PLPPR1: variants seen among roughly 807,000 people sequenced by gnomAD.
PLPPR1 encodes phospholipid phosphatase-related protein type 1.
In PLPPR1, 10 loss-of-function variants were observed where a neutral mutation model predicts 33.1. The observed-to-expected ratio is 0.30, with a 90% CI of 0.19 to 0.51. The LOEUF is 0.51. Ranked by LOEUF, PLPPR1 falls within the 20% of genes least tolerant of loss-of-function variation. The pLI, the probability that PLPPR1 is intolerant of heterozygous loss-of-function variation, is 0.97. For missense variants in PLPPR1, 304 were observed against 408.1 expected (o/e 0.74, Z 2.20); for synonymous variants, 151 against 151.0 (o/e 1.00, Z 0.00).
At chr9:101,243,263 G>A (rs1048779729) in intron 2 of PLPPR1, among the ~76,000 whole-genome samples, 3 of 151,890 alleles carry the variant, frequency 2.0e-5, no homozygotes, top group Admixed American at 1.3e-4. Context: ...TTATCCTCTA[G>A]AAAAAGGACA....
chr9:101,106,126 T>C (rs1479544445), intron 1 of PLPPR1, among the ~76,000 whole-genome samples: 4 of 151,424 alleles, frequency 2.6e-5, no homozygotes, highest in African/African-American at 7.4e-5. Flanking sequence ...TGTCTTTTAA[T>C]TGCAGAATTT....
Position 101,108,003 on chromosome 9 carries a change from C to T in PLPPR1, c.-45-77447C>T, listed in dbSNP as rs547574152. 1.6e-4 allele frequency among the ~76,000 whole-genome samples: 24 copies of T among 149,304 alleles called. No homozygotes were observed. In the South Asian group the frequency reaches 3.2e-3, roughly 20 times the overall value. On this transcript the variant is annotated intron_variant, in intron 1 of 7. Transcript: ENST00000374874. The stretch of plus-strand genomic sequence containing the variant: ...GGTGAGGCAATGCCTCGCCCTGCTT[C>T]GGCTCGCGCACGGTGCGCGCACACA...
intron 1 of PLPPR1, among the ~76,000 whole-genome samples, chr9:101,160,287 C>T (rs1216638134): frequency 6.6e-6 from 1 of 152,144 alleles, no homozygotes; most frequent in Non-Finnish European, 1.5e-5. Context: ...TAGCCTTTCT[C>T]CTCCTTACTT....
chr9:101,056,535 T>C (rs1283276480), intron 1 of PLPPR1, among the ~76,000 whole-genome samples: 1 of 152,182 alleles, frequency 6.6e-6, no homozygotes, highest in East Asian at 1.9e-4. Context: ...TCTGTAGCAA[T>C]ACCTTGTGGC....
chr9:101,267,114 C>T lies in PLPPR1; in HGVS notation c.64-2766C>T, dbSNP rs143703476. Among the ~76,000 whole-genome samples, 313 of 152,226 alleles carry T rather than the reference C, an allele frequency of 2.1e-3. 1 individual carries two copies. The highest frequency in any genetic ancestry group is 0.01 in the Middle Eastern group (3 of 292). On this transcript the variant is annotated intron_variant, in intron 2 of 7. Coordinates refer to ENST00000374874, the MANE Select transcript of PLPPR1 (RefSeq NM_207299.2). Reference sequence around the variant, plus strand: ...GATCAGCCCTTTGCAGGGGGACAGACGGAACTCCAGAGACAGAGCCTTAAA... The same window carrying T: ...GATCAGCCCTTTGCAGGGGGACAGATGGAACTCCAGAGACAGAGCCTTAAA...
chr9:101,247,216 G>A (rs1297188714), intron 2 of PLPPR1, among the ~76,000 whole-genome samples: 34 of 151,950 alleles, frequency 2.2e-4, no homozygotes, highest in Non-Finnish European at 1.2e-4. Flanking sequence ...TGGAAGGAGG[G>A]ACGCCCAACA....
At chr9:101,244,953 T>C (rs929857825) in intron 2 of PLPPR1, among the ~76,000 whole-genome samples, 4 of 151,958 alleles carry the variant, frequency 2.6e-5, no homozygotes, top group Non-Finnish European at 5.9e-5. Flanking sequence ...ACCTTATTAG[T>C]CATTAGAGAA....
chr9:101,201,206 A>T (rs1320987226), intron 2 of PLPPR1, among the ~76,000 whole-genome samples: 1 of 152,184 alleles, frequency 6.6e-6, no homozygotes, highest in African/African-American at 2.4e-5. Context: ...TATTTATGAG[A>T]GAGGAGCCCT....
chr9:101,314,205 A>G (rs1044019173), intron 6 of PLPPR1, among the ~76,000 whole-genome samples: 2 of 152,148 alleles, frequency 1.3e-5, no homozygotes, highest in African/African-American at 4.8e-5. Flanking sequence ...CCCTCCTCCT[A>G]TTCTGCCCTC....
intron 1 of PLPPR1, among the ~76,000 whole-genome samples, chr9:101,133,661 T>A (rs566744939): frequency 9.2e-5 from 14 of 152,192 alleles, no homozygotes; most frequent in Non-Finnish European, 1.9e-4. Context: ...TAACACTGTA[T>A]CATTGTTGTT....
intron 4 of PLPPR1, among the ~76,000 whole-genome samples, chr9:101,304,884 G>T (rs753651487): frequency 1.3e-5 from 2 of 152,140 alleles, no homozygotes; most frequent in African/African-American, 4.8e-5. Context: ...ACGCTCTCCA[G>T]AACACGTGGA....
Position 101,141,187 on chromosome 9 carries a change from T to C in PLPPR1, c.-45-44263T>C, listed in dbSNP as rs117231415. Among the ~76,000 whole-genome samples the C allele has an allele frequency of 6.5e-3, 989 of 152,314 alleles. 15 individuals carry two copies. Among genetic ancestry groups the C allele is most frequent in the East Asian group, 0.043 (223 of 5,184 alleles). ...ACATTGTGAAGAGAGATCAGTCTCC[T>C]AGGAGAATCTATGGAAATCTCCTCT... On this transcript the variant is annotated intron_variant, in intron 1 of 7. Transcript: ENST00000374874.
chr9:101,286,126 T>A lies in PLPPR1; in HGVS notation c.275T>A (p.Met92Lys). 6.2e-7 allele frequency: 1 copy of A among 1,612,700 alleles called. No individual in the cohort carries two copies. The highest frequency in any genetic ancestry group is 8.5e-7 in the Non-Finnish European group (1 of 1,178,820). ...TAIIFIGEISMYFIKSTRESL... is the reference protein window; with the variant it reads ...TAIIFIGEISKYFIKSTRESL... ...TAGATTTTTATTGGTGAGATATCCA[T>A]GTATTTCATAAAATCAACAAGAGAA... The change falls in exon 4 of 8, where the codon ATG (methionine) becomes AAG (lysine). Residue 92 changes from methionine (M) to lysine (K), a missense_variant. Coordinates refer to ENST00000374874, the MANE Select transcript of PLPPR1 (RefSeq NM_207299.2).
chr9:101,090,027 T>A (rs997490355), intron 1 of PLPPR1, among the ~76,000 whole-genome samples: 8 of 152,076 alleles, frequency 5.3e-5, no homozygotes, highest in African/African-American at 1.9e-4. Context: ...AGGGGAAGGA[T>A]CATCTCTTGC....
At chr9:101,177,900 TATA>T (rs1412057217) in intron 1 of PLPPR1, among the ~76,000 whole-genome samples, 1 of 152,184 alleles carries the variant, frequency 6.6e-6, no homozygotes, top group African/African-American at 2.4e-5. Context: ...TCTGGATTGG[TATA>T]ATAATAGTAA....
intron 4 of PLPPR1, among the ~76,000 whole-genome samples, chr9:101,304,438 A>T (rs995425907): frequency 6.6e-6 from 1 of 152,212 alleles, no homozygotes; most frequent in Non-Finnish European, 1.5e-5. Flanking sequence ...ATGAGCAAAA[A>T]CAAATGTGTT....
intron 1 of PLPPR1, among the ~76,000 whole-genome samples, chr9:101,036,699 GCCAA>G (rs1830014569): frequency 1.6e-5 from 1 of 61,954 alleles, no homozygotes; most frequent in African/African-American, 7.9e-5. Flanking sequence ...GGCTATTTCT[GCCAA>G]AAAAAAAAAA....
At chr9:101,057,419 A>G (rs1161250659) in intron 1 of PLPPR1, among the ~76,000 whole-genome samples, 1 of 152,206 alleles carries the variant, frequency 6.6e-6, no homozygotes, top group Non-Finnish European at 1.5e-5. Context: ...TCTAAAATGA[A>G]TAAGCCAGTA....
At chr9:101,210,098 T>C (rs1195386273) in intron 2 of PLPPR1, among the ~76,000 whole-genome samples, 3 of 152,256 alleles carry the variant, frequency 2.0e-5, no homozygotes, top group Non-Finnish European at 4.4e-5. Context: ...GTCCTGATAA[T>C]TGCTTTAAGT....
Sources: allele counts gnomAD v4.1 joint callset (sites outside exome capture counted in the v4.1 genomes callset), GRCh38; gene constraint gnomAD v4.1.1; transcripts MANE v1.5; gene names NCBI Gene and HGNC (gene_info 2026-07-23, HGNC 2026-07-21).